Variants in HCN1 observed in about 807,000 individuals in gnomAD.
HCN1 encodes potassium/sodium hyperpolarization-activated cyclic nucleotide-gated channel 1.
In HCN1, 13 loss-of-function variants were observed where a neutral mutation model predicts 78.9. That is an observed-to-expected ratio of 0.16 (90% CI 0.11 to 0.26). The LOEUF (loss-of-function observed/expected upper bound fraction) is 0.26, where lower values mean the gene tolerates loss of function less well. HCN1 is among the 10% of genes least tolerant of loss of function. The pLI is 1.00. For synonymous variants in HCN1, 552 were observed against 455.5 expected (o/e 1.21, Z -2.70); for missense variants, 810 against 1,154.3 (o/e 0.70, Z 4.32).
At chr5:45,441,186 G>A (rs2111567788) in intron 3 of HCN1, among the ~76,000 whole-genome samples, 2 of 152,172 alleles carry the variant, frequency 1.3e-5, no homozygotes, top group South Asian at 4.1e-4. Flanking sequence ...CATAGTTTGT[G>A]CTGCTTGACA....
intron 2 of HCN1, among the ~76,000 whole-genome samples, chr5:45,622,732 T>G (rs138033266): frequency 6.6e-6 from 1 of 152,298 alleles, no homozygotes; most frequent in Non-Finnish European, 1.5e-5. Flanking sequence ...ACACCAGGAC[T>G]GAAGTTAGAC....
At chr5:45,675,142 G>A (rs541858915) in intron 1 of HCN1, among the ~76,000 whole-genome samples, 51 of 151,592 alleles carry the variant, frequency 3.4e-4, no homozygotes, top group Non-Finnish European at 5.6e-4. Flanking sequence ...TATCCTGCAA[G>A]AAGCATACTG....
chr5:45,593,731 G>C (rs1744433644), intron 2 of HCN1, among the ~76,000 whole-genome samples: 1 of 151,942 alleles, frequency 6.6e-6, no homozygotes, highest in African/African-American at 2.4e-5. Context: ...CTGGAGTGCA[G>C]TGGCACAATC....
intron 2 of HCN1, among the ~76,000 whole-genome samples, chr5:45,612,541 A>T (rs188498582): frequency 2.0e-5 from 3 of 152,292 alleles, no homozygotes; most frequent in Admixed American, 2.0e-4. Flanking sequence ...AAGTGATACC[A>T]TTAAATATTG....
chr5:45,494,953 A>G (rs1405838716), intron 2 of HCN1, among the ~76,000 whole-genome samples: 22 of 139,920 alleles, frequency 1.6e-4, no homozygotes, highest in African/African-American at 3.6e-4. Flanking sequence ...TGTTCCATTG[A>G]TCTATATCTC....
rs569224195 is a variant in HCN1, at chr5:45,260,997, G to A, written c.*924C>T. On this transcript the variant is annotated 3_prime_UTR_variant, in exon 8 of 8. Transcript: ENST00000303230. ...TGTAATACAAGCAATTTGTAGATTC[G>A]AGCATACAATTTTGCATAAAACATT... is the stretch of plus-strand genomic sequence containing the variant. 1.3e-5 allele frequency: 2 copies of A among 152,562 alleles called. No individual in the cohort carries two copies. The highest frequency in any genetic ancestry group is 2.1e-4 in the South Asian group (1 of 4,822). The allele number at this position is 152,562 out of a possible 1,614,324, so 9.5% of individuals were successfully genotyped here.
At chr5:45,582,799 T>C (rs1744109051) in intron 2 of HCN1, among the ~76,000 whole-genome samples, 1 of 152,300 alleles carries the variant, frequency 6.6e-6, no homozygotes, top group South Asian at 2.1e-4. Flanking sequence ...TGTCTTTGGT[T>C]CTGTTTATAT....
At chr5:45,674,453 A>G (rs1269456294) in intron 1 of HCN1, among the ~76,000 whole-genome samples, 1 of 151,728 alleles carries the variant, frequency 6.6e-6, no homozygotes, top group Non-Finnish European at 1.5e-5. Context: ...GTATTTGTTT[A>G]TAATTTTATG....
intron 2 of HCN1, among the ~76,000 whole-genome samples, chr5:45,607,559 A>G (rs1744747461): frequency 6.7e-6 from 1 of 149,066 alleles, no homozygotes; most frequent in South Asian, 2.1e-4. Context: ...TGGGATATAG[A>G]CAAATAGATC....
intron 2 of HCN1, among the ~76,000 whole-genome samples, chr5:45,486,984 A>T (rs1044775875): frequency 1.3e-5 from 2 of 152,072 alleles, no homozygotes; most frequent in Non-Finnish European, 2.9e-5. Context: ...TAATTTTCAC[A>T]AGTGTCTCTT....
chr5:45,413,083 T>G (rs2112058115), intron 3 of HCN1, among the ~76,000 whole-genome samples: 1 of 152,094 alleles, frequency 6.6e-6, no homozygotes, highest in South Asian at 2.1e-4. Context: ...ACATGCTAGA[T>G]TAGTGGTAAG....
chr5:45,329,844 G>T lies in HCN1; in HGVS notation c.1377+23256C>A, dbSNP rs945065438. Among the ~76,000 whole-genome samples the T allele has an allele frequency of 2.6e-5, 4 of 151,262 alleles. No individual in the cohort carries two copies. The East Asian group carries it at 5.8e-4, about 22-fold the overall frequency. ...GGTACTGTGACTTATGGCTTAGAAGGTTCTTATACACAAATCATTTTATTT... is the reference window on the plus strand; with the variant it reads ...GGTACTGTGACTTATGGCTTAGAAGTTTCTTATACACAAATCATTTTATTT... On this transcript the variant is annotated intron_variant, in intron 5 of 7. Transcript: ENST00000303230.
chr5:45,638,730 C>T (rs1352159671), intron 2 of HCN1, among the ~76,000 whole-genome samples: 1 of 152,116 alleles, frequency 6.6e-6, no homozygotes, highest in Non-Finnish European at 1.5e-5. Flanking sequence ...TGGTGAAACC[C>T]TGTCTCTACT....
chr5:45,330,287 T>C (rs1746318046), intron 5 of HCN1, among the ~76,000 whole-genome samples: 1 of 151,280 alleles, frequency 6.6e-6, no homozygotes, highest in African/African-American at 2.4e-5. Context: ...GAGTTTACAC[T>C]GTTGTGCTTT....
At chr5:45,596,977 G>A (rs184765282) in intron 2 of HCN1, among the ~76,000 whole-genome samples, 7 of 151,860 alleles carry the variant, frequency 4.6e-5, no homozygotes, top group Non-Finnish European at 7.4e-5. Flanking sequence ...AAAAGATAAC[G>A]TTACCTCTTA....
chr5:45,594,947 G>C (rs1744455215), intron 2 of HCN1, among the ~76,000 whole-genome samples: 1 of 152,182 alleles, frequency 6.6e-6, no homozygotes, highest in African/African-American at 2.4e-5. Context: ...AAACATCTAA[G>C]AGTAATCTGA....
intron 6 of HCN1, among the ~76,000 whole-genome samples, chr5:45,282,014 A>T (rs896574572): frequency 4.6e-5 from 7 of 152,190 alleles, no homozygotes. Context: ...ACTGGTACAA[A>T]AGCACATAGA....
chr5:45,671,534 G>T (rs1746151155), intron 1 of HCN1, among the ~76,000 whole-genome samples: 2 of 151,342 alleles, frequency 1.3e-5, no homozygotes, highest in South Asian at 4.2e-4. Context: ...CTAATACATG[G>T]TTACATATAG....
chr5:45,388,368 G>C (rs1747970046), intron 4 of HCN1, among the ~76,000 whole-genome samples: 1 of 152,252 alleles, frequency 6.6e-6, no homozygotes, highest in East Asian at 1.9e-4. Context: ...TAAACCATGA[G>C]AAGAAGTAAT....
Sources: gnomAD v4.1 joint callset for allele counts (sites outside exome capture counted in the v4.1 genomes callset) on GRCh38, gnomAD v4.1.1 for gene constraint, MANE v1.5 for transcripts, NCBI Gene and HGNC (gene_info 2026-07-23, HGNC 2026-07-21) for gene names.